Variants in CNTN4 observed in about 807,000 individuals in gnomAD.
CNTN4 encodes the protein contactin-4.
In CNTN4, 77 loss-of-function variants were observed where a neutral mutation model predicts 122.5. That is an observed-to-expected ratio of 0.63 (90% CI 0.52 to 0.76). The LOEUF (loss-of-function observed/expected upper bound fraction) is 0.76. Among genes scored for constraint, CNTN4 ranks in the 30% least tolerant of loss-of-function variants. The pLI is 0.00. For missense variants in CNTN4, 1,256 were observed against 1,259.1 expected, an observed-to-expected ratio of 1.00 and a Z score of 0.04; for synonymous variants, 512 against 447.0, an observed-to-expected ratio of 1.15 and a Z score of -1.83.
intron 12 of CNTN4, among the ~76,000 whole-genome samples, chr3:2,924,622 C>A (rs1307999605): frequency 6.6e-6 from 1 of 152,036 alleles, no homozygotes; most frequent in African/African-American, 2.4e-5. Context: ...AGAAATAATT[C>A]TCTGATAGTA....
At chr3:2,635,465 A>G (rs1458000132) in intron 4 of CNTN4, among the ~76,000 whole-genome samples, 2 of 152,320 alleles carry the variant, frequency 1.3e-5, no homozygotes, top group East Asian at 3.9e-4. Context: ...GTATATCTAC[A>G]TAAACATTCA....
intron 3 of CNTN4, among the ~76,000 whole-genome samples, chr3:2,478,078 C>A (rs2075880989): frequency 6.6e-6 from 1 of 152,090 alleles, no homozygotes; most frequent in South Asian, 2.1e-4. Flanking sequence ...CTTCAATAAT[C>A]TAAGGAGGGG....
intron 12 of CNTN4, among the ~76,000 whole-genome samples, chr3:2,920,537 T>G (rs1472930603): frequency 6.6e-6 from 1 of 152,024 alleles, no homozygotes; most frequent in Non-Finnish European, 1.5e-5. Context: ...GTATTATATT[T>G]GGTACTTTCT....
At chr3:2,858,089 G>T (rs182433555) in intron 7 of CNTN4, among the ~76,000 whole-genome samples, 17 of 152,346 alleles carry the variant, frequency 1.1e-4, no homozygotes, top group Admixed American at 5.9e-4. Context: ...CTGAGTGCCT[G>T]TTCCTCAGTG....
At chr3:2,901,302 C>T (rs917920321) in intron 11 of CNTN4, among the ~76,000 whole-genome samples, 1 of 152,162 alleles carries the variant, frequency 6.6e-6, no homozygotes, top group African/African-American at 2.4e-5. Context: ...CCTGCCGAAC[C>T]TCAAATATTA....
intron 2 of CNTN4, among the ~76,000 whole-genome samples, chr3:2,293,948 C>A (rs1209992891): frequency 6.6e-6 from 1 of 152,176 alleles, no homozygotes; most frequent in East Asian, 1.9e-4. Flanking sequence ...TTTGACTGGG[C>A]TCTGCTGATG....
At chr3:2,430,334 A>G (rs2048018220) in intron 3 of CNTN4, among the ~76,000 whole-genome samples, 1 of 150,962 alleles carries the variant, frequency 6.6e-6, no homozygotes, top group South Asian at 2.1e-4. Flanking sequence ...AGGCAGGAGA[A>G]TGGCATGAAC....
chr3:2,124,678 G>A (rs894378713), intron 2 of CNTN4, among the ~76,000 whole-genome samples: 3 of 152,066 alleles, frequency 2.0e-5, no homozygotes, highest in African/African-American at 7.2e-5. Context: ...GGAGGCTGAG[G>A]CAGGAGGTTC....
intron 3 of CNTN4, among the ~76,000 whole-genome samples, chr3:2,459,201 A>G (rs913373546): frequency 1.3e-5 from 2 of 152,130 alleles, no homozygotes; most frequent in Non-Finnish European, 2.9e-5. Context: ...TCCTAGGAAG[A>G]TCTTCAATGG....
intron 3 of CNTN4, among the ~76,000 whole-genome samples, chr3:2,388,338 G>A (rs1177059962): frequency 6.6e-6 from 1 of 152,086 alleles, no homozygotes; most frequent in Non-Finnish European, 1.5e-5. Context: ...TTTCTTCTGG[G>A]ATCAATGCAT....
intron 13 of CNTN4, among the ~76,000 whole-genome samples, chr3:2,976,232 G>T (rs1413554107): frequency 6.6e-6 from 1 of 152,132 alleles, no homozygotes; most frequent in Non-Finnish European, 1.5e-5. Context: ...CCAGCCCCAG[G>T]CAGAGAGTTA....
chr3:2,923,291 TA>T (rs77339040), intron 12 of CNTN4, among the ~76,000 whole-genome samples: 42,418 of 151,190 alleles, frequency 0.28, 6,626 homozygotes, highest in Non-Finnish European at 0.36. Context: ...AAATATCATT[TA>T]AAAAAAAACT....
chr3:2,154,098 T>C (rs933061712), intron 2 of CNTN4, among the ~76,000 whole-genome samples: 3 of 152,144 alleles, frequency 2.0e-5, no homozygotes, highest in South Asian at 2.1e-4. Flanking sequence ...AAAATGGATA[T>C]GACTGGCCAG....
chr3:2,564,434 G>A (rs1219734534), intron 3 of CNTN4, among the ~76,000 whole-genome samples: 5 of 152,070 alleles, frequency 3.3e-5, no homozygotes, highest in African/African-American at 1.2e-4. Context: ...GATATAATCC[G>A]AAAAATTGTT....
rs892449781 is a variant in CNTN4, at chr3:2,841,602, T to C, written c.454+22021T>C. Among the ~76,000 whole-genome samples, 1 of 152,214 alleles carries C rather than the reference T, an allele frequency of 6.6e-6. No homozygotes were observed. Among genetic ancestry groups the C allele is most frequent in the South Asian group, 2.1e-4 (1 of 4,830 alleles). ...GCCATTGGCTTCGGGATTTGGTTAT[T>C]TCCTCAACCCTTTGTGAAGAAATCT... On this transcript the variant is annotated intron_variant, in intron 7 of 24. Coordinates refer to ENST00000418658, the MANE Select transcript of CNTN4 (RefSeq NM_175607.3). The surrounding 1 kb of genome is among the most constrained non-coding windows in gnomAD (Gnocchi z 4.8).
At chr3:2,189,184 A>G (rs931823188) in intron 2 of CNTN4, among the ~76,000 whole-genome samples, 3 of 152,130 alleles carry the variant, frequency 2.0e-5, no homozygotes, top group African/African-American at 7.2e-5. Context: ...CATCCAGGCT[A>G]AAAAAGAAAA....
At chr3:2,613,861 T>C (rs1034511758) in intron 4 of CNTN4, among the ~76,000 whole-genome samples, 5 of 152,172 alleles carry the variant, frequency 3.3e-5, no homozygotes, top group African/African-American at 4.8e-5. Context: ...TTGAGTTTCT[T>C]TCTGTTCCAC....
chr3:2,100,554 C>G lies in CNTN4; in HGVS notation c.-226-4C>G, dbSNP rs1312778699. 2.0e-5 allele frequency: 3 copies of G among 152,154 alleles called. No homozygotes were observed. Among genetic ancestry groups the G allele is most frequent in the Admixed American group, 6.5e-5 (1 of 15,272 alleles). 9.4% of individuals were successfully genotyped at this position (152,154 alleles called of 1,614,324 possible). ...TGTTCTCTCTTTCTCTCTCTCTACCCAAGTGGGTGAAAAAGAACAGTGTGT... is the reference window on the plus strand; with the variant it reads ...TGTTCTCTCTTTCTCTCTCTCTACCGAAGTGGGTGAAAAAGAACAGTGTGT... On this transcript the variant is annotated splice_region_variant and splice_polypyrimidine_tract_variant and intron_variant, in intron 1 of 24. Transcript: ENST00000418658.
chr3:2,221,656 A>G (rs1216439307), intron 2 of CNTN4, among the ~76,000 whole-genome samples: 1 of 152,132 alleles, frequency 6.6e-6, no homozygotes, highest in African/African-American at 2.4e-5. Context: ...CTGATATGGG[A>G]CTTATAACTA....
Sources: gnomAD v4.1 joint callset for allele counts (sites outside exome capture counted in the v4.1 genomes callset) on GRCh38, gnomAD v4.1.1 for gene constraint, Gnocchi (gnomAD v3.1) non-coding constraint, MANE v1.5 for transcripts, NCBI Gene and HGNC (gene_info 2026-07-23, HGNC 2026-07-21) for gene names.